NELL1: variants seen among roughly 807,000 people sequenced by gnomAD.
The protein encoded by NELL1 is neural EGFL like 1.
A neutral mutation model predicts 107.4 loss-of-function variants in NELL1; 76 were observed. That is an observed-to-expected ratio of 0.71 (90% CI 0.59 to 0.86). The LOEUF (loss-of-function observed/expected upper bound fraction) is 0.86. Among genes scored for constraint, NELL1 ranks in the 40% least tolerant of loss-of-function variants. The probability of loss-of-function intolerance (pLI) is 0.00; values close to 1 mark genes in which losing one functional copy is unlikely to be tolerated. For synonymous variants in NELL1, 353 were observed against 341.2 expected, an observed-to-expected ratio of 1.03 and a Z score of -0.38; for missense variants, 1,024 against 1,005.5, an observed-to-expected ratio of 1.02 and a Z score of -0.25.
At chr11:21,181,017 C>T (rs1329496851) in intron 13 of NELL1, among the ~76,000 whole-genome samples, 4 of 151,686 alleles carry the variant, frequency 2.6e-5, no homozygotes, top group Admixed American at 2.6e-4. Flanking sequence ...TGAGGATGCT[C>T]GAAGTGCCTA....
At chr11:21,075,320 G>T (rs1854108748) in intron 12 of NELL1, among the ~76,000 whole-genome samples, 1 of 152,096 alleles carries the variant, frequency 6.6e-6, no homozygotes, top group African/African-American at 2.4e-5. Context: ...CTTCCTTAAA[G>T]GTGGGTTGAT....
At position 21,117,393 on chromosome 11, in the gene NELL1, A is replaced by G. The variant is rs184531607; in HGVS notation, c.1426+3679A>G. Among the ~76,000 whole-genome samples, 41 of 152,088 alleles carry G rather than the reference A, an allele frequency of 2.7e-4. No individual in the cohort carries two copies. In the East Asian group the frequency reaches 7.8e-3, roughly 29 times the overall value. On this transcript the variant is annotated intron_variant, in intron 13 of 19. Transcript: ENST00000357134. ...TCTCTACTATACCTTGACTACTTAG[A>G]ACATTACCTGGCACAAAGCAGTGCT... is the stretch of plus-strand genomic sequence containing the variant.
chr11:21,373,913 TG>T lies in NELL1; in HGVS notation c.1645+2966del, dbSNP rs1851410289. ...GAAGAATCAGTAAGAGGAGTAGTTTTGCCACTCTTAGGATGGAAAAGGGCTG... is the reference window on the plus strand; with the variant it reads ...GAAGAATCAGTAAGAGGAGTAGTTTTCCACTCTTAGGATGGAAAAGGGCTG... On this transcript the variant is annotated intron_variant, in intron 15 of 19. Transcript: ENST00000357134. Among the ~76,000 whole-genome samples, 8 of 152,080 alleles carry T rather than the reference TG, an allele frequency of 5.3e-5. No homozygotes were observed. In the South Asian group the frequency reaches 1.0e-3, roughly 20 times the overall value.
chr11:20,682,765 A>G (rs552955075), intron 2 of NELL1, among the ~76,000 whole-genome samples: 2 of 152,008 alleles, frequency 1.3e-5, no homozygotes, highest in Non-Finnish European at 2.9e-5. Flanking sequence ...CTCCACTTCT[A>G]GGCAATTATT....
chr11:21,257,323 C>G (rs1858794797), intron 14 of NELL1, among the ~76,000 whole-genome samples: 1 of 151,926 alleles, frequency 6.6e-6, no homozygotes, highest in Non-Finnish European at 1.5e-5. Context: ...TCATCTATTT[C>G]AAGGATTTGG....
intron 12 of NELL1, among the ~76,000 whole-genome samples, chr11:21,043,113 G>C (rs1015074757): frequency 3.9e-5 from 6 of 152,124 alleles, no homozygotes; most frequent in Non-Finnish European, 8.8e-5. Context: ...ACTGAAGATG[G>C]ATGCAAGAAA....
intron 3 of NELL1, among the ~76,000 whole-genome samples, chr11:20,789,360 ACT>A (rs1486185804): frequency 6.6e-6 from 1 of 152,034 alleles, no homozygotes; most frequent in African/African-American, 2.4e-5. Context: ...AGGGTTACCA[ACT>A]CTCTGTGAGG....
intron 5 of NELL1, among the ~76,000 whole-genome samples, chr11:20,900,823 T>C (rs1849856745): frequency 1.3e-5 from 2 of 152,074 alleles, no homozygotes; most frequent in African/African-American, 4.8e-5. Flanking sequence ...AAATTTGTTT[T>C]TATCTTCAGA....
At chr11:21,547,953 G>T (rs974770329) in intron 16 of NELL1, among the ~76,000 whole-genome samples, 10 of 151,856 alleles carry the variant, frequency 6.6e-5, no homozygotes, top group African/African-American at 2.4e-4. Context: ...GTAAGAGTTG[G>T]ATTCAAATAC....
At chr11:20,675,719 G>C (rs1220222603) in intron 1 of NELL1, among the ~76,000 whole-genome samples, 5 of 152,002 alleles carry the variant, frequency 3.3e-5, no homozygotes, top group Admixed American at 6.6e-5. Flanking sequence ...GGGTCACAGG[G>C]CTTATATGAT....
intron 15 of NELL1, among the ~76,000 whole-genome samples, chr11:21,472,552 A>G (rs1203189232): frequency 6.6e-6 from 1 of 152,004 alleles, no homozygotes; most frequent in Non-Finnish European, 1.5e-5. Context: ...TCTACTTGTT[A>G]CGTGTCTTGT....
chr11:21,448,805 A>C (rs1170976527), intron 15 of NELL1, among the ~76,000 whole-genome samples: 1 of 152,230 alleles, frequency 6.6e-6, no homozygotes, highest in Admixed American at 6.5e-5. Context: ...TATAAATGGA[A>C]TCTTACAAAG....
At position 20,719,817 on chromosome 11, in the gene NELL1, A is replaced by G. The variant is rs184577839; in HGVS notation, c.184+41757A>G. ...GATTTTTATCATCTATTTAATTCCAATCAGCCATGGTATGTACCAGGAACC... is the reference window on the plus strand; with the variant it reads ...GATTTTTATCATCTATTTAATTCCAGTCAGCCATGGTATGTACCAGGAACC... On this transcript the variant is annotated intron_variant, in intron 2 of 19. Transcript: ENST00000357134. Among the ~76,000 whole-genome samples, 14 of 152,304 alleles carry G rather than the reference A, an allele frequency of 9.2e-5. No homozygotes were observed. In the East Asian group the frequency reaches 2.5e-3, roughly 27 times the overall value.
At chr11:21,060,400 A>C (rs980679140) in intron 12 of NELL1, among the ~76,000 whole-genome samples, 1 of 152,212 alleles carries the variant, frequency 6.6e-6, no homozygotes, top group African/African-American at 2.4e-5. Context: ...TTAATTAATA[A>C]GTTCAGTCAT....
At chr11:21,214,301 A>G (rs1265989985) in intron 13 of NELL1, among the ~76,000 whole-genome samples, 1 of 152,154 alleles carries the variant, frequency 6.6e-6, no homozygotes, top group Non-Finnish European at 1.5e-5. Flanking sequence ...TTCGATTTCC[A>G]GATTTAAAAT....
intron 15 of NELL1, among the ~76,000 whole-genome samples, chr11:21,412,290 T>G (rs2133811711): frequency 6.6e-6 from 1 of 152,188 alleles, no homozygotes; most frequent in African/African-American, 2.4e-5. Context: ...TGATTTTGTT[T>G]GGGGTGAATT....
chr11:20,855,177 C>CTT (rs59669806), intron 4 of NELL1, among the ~76,000 whole-genome samples: 16 of 140,732 alleles, frequency 1.1e-4, no homozygotes, highest in African/African-American at 3.1e-4. Flanking sequence ...TCAACTTTTT[C>CTT]TTTTTTTTTT....
intron 5 of NELL1, among the ~76,000 whole-genome samples, chr11:20,893,357 C>A (rs1164701404): frequency 7.2e-6 from 1 of 139,066 alleles, no homozygotes; most frequent in African/African-American, 2.6e-5. Context: ...ACACTCTGCA[C>A]ATGTATCCCG....
chr11:20,681,218 A>G (rs1194436244), intron 2 of NELL1, among the ~76,000 whole-genome samples: 3 of 152,122 alleles, frequency 2.0e-5, no homozygotes, highest in Non-Finnish European at 4.4e-5. Flanking sequence ...TTTGCTTAAC[A>G]GCTCTTCTCT....
Sources: allele counts gnomAD v4.1 joint callset (sites outside exome capture counted in the v4.1 genomes callset), GRCh38; gene constraint gnomAD v4.1.1; transcripts MANE v1.5; gene names NCBI Gene and HGNC (gene_info 2026-07-23, HGNC 2026-07-21).